CENPK: variants seen among roughly 807,000 people sequenced by gnomAD.
CENPK encodes centromere protein K, also known as SoxLZ/Sox6-binding protein Solt.
In CENPK, 46 loss-of-function variants were observed where a neutral mutation model predicts 40.9. The ratio of observed to expected loss-of-function variants is 1.13; its 90% CI spans 0.89 to 1.44. The LOEUF (loss-of-function observed/expected upper bound fraction) is 1.44. Ranked by LOEUF, CENPK falls within the 40% of genes most tolerant of loss-of-function variation. The pLI is 0.00. For missense variants in CENPK, 288 were observed against 303.5 expected, an observed-to-expected ratio of 0.95 and a Z score of 0.38; for synonymous variants, 107 against 104.4, an observed-to-expected ratio of 1.02 and a Z score of -0.15.
intron 1 of CENPK, among the ~76,000 whole-genome samples, chr5:65,562,442 C>T (rs774346255): frequency 2.6e-5 from 4 of 152,086 alleles, no homozygotes; most frequent in Non-Finnish European, 4.4e-5. Context: ...CTTCCCTGTA[C>T]GTGGTGCCTA....
intron 2 of CENPK, among the ~76,000 whole-genome samples, chr5:65,558,197 T>C (rs1192484643): frequency 1.3e-5 from 2 of 151,848 alleles, no homozygotes; most frequent in Non-Finnish European, 2.9e-5. Context: ...AAGAGAGAAA[T>C]ACAGTTAGTA....
At chr5:65,523,914 T>C (rs941699981) in intron 9 of CENPK, among the ~76,000 whole-genome samples, 9 of 152,016 alleles carry the variant, frequency 5.9e-5, no homozygotes, top group Admixed American at 5.9e-4. Context: ...GAGCAATACC[T>C]AACAGAACTT....
intron 6 of CENPK, among the ~76,000 whole-genome samples, chr5:65,534,997 C>A (rs879412372): frequency 3.9e-5 from 6 of 152,124 alleles, no homozygotes; most frequent in Non-Finnish European, 8.8e-5. Flanking sequence ...GCAGGCAGAT[C>A]ACTTGAGCCC....
At chr5:65,513,211 G>C (rs2150318380), downstream of CENPK, among the ~76,000 whole-genome samples, 2 of 152,042 alleles carry the variant, frequency 1.3e-5, no homozygotes, top group South Asian at 4.1e-4. Flanking sequence ...TCATGCTTTT[G>C]GTGTTGTAGC....
intron 9 of CENPK, among the ~76,000 whole-genome samples, chr5:65,521,787 T>C (rs984151589): frequency 1.3e-5 from 2 of 152,064 alleles, no homozygotes; most frequent in African/African-American, 4.8e-5. Flanking sequence ...TTTTAGTAGA[T>C]ATGAGGTTTC....
At chr5:65,512,635 A>C in the CENPK span, among the ~76,000 whole-genome samples, 6 of 152,250 alleles carry the variant, frequency 3.9e-5, no homozygotes. Flanking sequence ...ACTAGACTAC[A>C]GTATAGTATA....
intron 6 of CENPK, among the ~76,000 whole-genome samples, chr5:65,531,528 G>A (rs1745839640): frequency 2.7e-5 from 4 of 147,130 alleles, no homozygotes; most frequent in Admixed American, 6.9e-5. Flanking sequence ...TTTTTGAGAC[G>A]GAATCTCGCT....
the CENPK span, among the ~76,000 whole-genome samples, chr5:65,502,846 C>T: frequency 6.6e-6 from 1 of 151,972 alleles, no homozygotes; most frequent in Non-Finnish European, 1.5e-5. Flanking sequence ...TGCTCTGTCA[C>T]CCAGGCTGGA....
chr5:65,540,823 T>C (rs933190691), intron 6 of CENPK, among the ~76,000 whole-genome samples: 3 of 151,382 alleles, frequency 2.0e-5, no homozygotes, highest in Non-Finnish European at 4.4e-5. Context: ...TTTTTTTTTT[T>C]TTGAGACAGG....
At chr5:65,555,767 G>C (rs1750869583) in intron 2 of CENPK, among the ~76,000 whole-genome samples, 1 of 152,224 alleles carries the variant, frequency 6.6e-6, no homozygotes. Context: ...TACGTTGCCA[G>C]TTACTGAGGT....
chr5:65,534,603 A>T (rs2150405354), intron 6 of CENPK, among the ~76,000 whole-genome samples: 1 of 152,364 alleles, frequency 6.6e-6, no homozygotes, highest in South Asian at 2.1e-4. Context: ...TTAATTTTCA[A>T]CAAAAGTGTA....
chr5:65,515,204 AT>A (rs1554102335), downstream of CENPK, among the ~76,000 whole-genome samples: 2,528 of 124,050 alleles, frequency 0.02, 53 homozygotes, highest in Middle Eastern at 0.064. Context: ...TCTCAAAAAA[AT>A]TTTTTTTTTT....
chr5:65,515,622 T>C (rs1742805533), downstream of CENPK, among the ~76,000 whole-genome samples: 1 of 152,184 alleles, frequency 6.6e-6, no homozygotes. Context: ...TATTTTGGGA[T>C]TTTCCAGGTA....
At chr5:65,501,955 G>A in the CENPK span, among the ~76,000 whole-genome samples, 1 of 152,108 alleles carries the variant, frequency 6.6e-6, no homozygotes, top group African/African-American at 2.4e-5. Flanking sequence ...CTTTACTACT[G>A]GGTGGGTATG....
chr5:65,514,159 G>A (rs245554), downstream of CENPK, among the ~76,000 whole-genome samples: 61,405 of 146,932 alleles, frequency 0.42, 12,871 homozygotes, highest in East Asian at 0.66. Context: ...AGAGATACTA[G>A]TCTGTAGTTG....
At chr5:65,503,664 T>C in the CENPK span, among the ~76,000 whole-genome samples, 7 of 151,514 alleles carry the variant, frequency 4.6e-5, no homozygotes, top group African/African-American at 1.7e-4. Context: ...TGCTAAACTT[T>C]TTTTTTTTTT....
chr5:65,542,581 G>A (rs192008545), intron 6 of CENPK, among the ~76,000 whole-genome samples: 1 of 152,056 alleles, frequency 6.6e-6, no homozygotes, highest in Non-Finnish European at 1.5e-5. Context: ...AGGTTACAGT[G>A]AGCCAGGATT....
rs186618546 is a variant in CENPK, at chr5:65,531,231, A to G, written c.289-2032T>C. Among the ~76,000 whole-genome samples, 428 of 152,162 alleles carry G rather than the reference A, an allele frequency of 2.8e-3. 2 individuals carry two copies. The highest frequency in any genetic ancestry group is 9.9e-3 in the African/African-American group (413 of 41,548). On this transcript the variant is annotated intron_variant, in intron 6 of 10. Transcript: ENST00000396679. Reference sequence around the variant, plus strand: ...TGCAATCATATTGATTATATTAAATATGGTCTAACAATGGCATTAAATTGA... The same window carrying G: ...TGCAATCATATTGATTATATTAAATGTGGTCTAACAATGGCATTAAATTGA...
At chr5:65,540,673 T>C (rs1229938460) in intron 6 of CENPK, among the ~76,000 whole-genome samples, 2 of 152,096 alleles carry the variant, frequency 1.3e-5, no homozygotes, top group Non-Finnish European at 1.5e-5. Flanking sequence ...AGAACTGGGT[T>C]TGGGGAGCTT....
Sources: allele counts gnomAD v4.1 joint callset (sites outside exome capture counted in the v4.1 genomes callset), GRCh38; gene constraint gnomAD v4.1.1; transcripts MANE v1.5; gene names NCBI Gene and HGNC (gene_info 2026-07-23, HGNC 2026-07-21).